The following SPRING1 variants were observed in gnomAD, a reference collection of about 807,000 sequenced individuals.
SPRING1 encodes SREBP regulating gene protein.
Under a neutral mutation model 24.7 loss-of-function variants are expected in SPRING1, and 14 were observed. That is an observed-to-expected ratio of 0.57 (90% confidence interval 0.37 to 0.88). The LOEUF is 0.88. SPRING1 is among the 40% of genes least tolerant of loss of function. SPRING1 has a pLI of 0.00. For synonymous variants in SPRING1, 93 were observed against 106.1 expected (o/e 0.88, Z 0.76); for missense variants, 255 against 268.4 (o/e 0.95, Z 0.35).
rs765142702 is a variant in SPRING1 at position 116,733,079 on chromosome 12, G to A, written c.111+4711C>T. ...ATCTGTAAGGTTATCTGAAAAAAGC[G>A]TTTTAAGTGTTACTGAAGGACACAG... On this transcript the variant is annotated intron_variant, in intron 1 of 4. Coordinates refer to ENST00000261318, the MANE Select transcript of SPRING1 (RefSeq NM_024738.4). Among the ~76,000 whole-genome samples the A allele has an allele frequency of 4.6e-5, 7 of 152,314 alleles. No homozygotes were observed. The East Asian group carries it at 5.8e-4, about 13-fold the overall frequency.
rs1869846185 is a variant in SPRING1 at position 116,711,006 on chromosome 12, T to TACACTCAC, written c.*6803_*6804insGTGAGTGT. On this transcript the variant is annotated 3_prime_UTR_variant, in exon 5 of 5. Transcript: ENST00000261318. ...CTCACATACTTCATACTGCTTTTGT[T>TACACTCAC]ACACACACACACACACACACACGCA... 6.9e-6 allele frequency: 1 copy of TACACTCAC among 145,960 alleles called. No homozygotes were observed. Among genetic ancestry groups the TACACTCAC allele is most frequent in the African/African-American group, 2.6e-5 (1 of 39,020 alleles). 9.0% of individuals were successfully genotyped at this position (145,960 alleles called of 1,614,324 possible).
chr12:116,727,789 A>G (rs1870772940), intron 1 of SPRING1, among the ~76,000 whole-genome samples: 1 of 152,228 alleles, frequency 6.6e-6, no homozygotes, highest in Non-Finnish European at 1.5e-5. Context: ...ATATGCCCAA[A>G]TATGAACAGT....
intron 2 of SPRING1, 131 bp downstream of exon 2, chr12:116,722,936 T>C (rs1012490757): frequency 3.3e-6 from 4 of 1,200,104 alleles, no homozygotes; most frequent in Non-Finnish European, 3.5e-6. Context: ...GACAAAAACC[T>C]GGGGAATGTT....
intron 2 of SPRING1, among the ~76,000 whole-genome samples, chr12:116,721,003 T>G (rs1870405863): frequency 6.6e-6 from 1 of 152,190 alleles, no homozygotes; most frequent in Admixed American, 6.5e-5. Context: ...TACGTGTACG[T>G]GCCACGGACT....
rs989999236 is a variant in SPRING1 at position 116,728,801 on chromosome 12, C to T, written c.112-5578G>A. 1.3e-5 allele frequency among the ~76,000 whole-genome samples: 2 copies of T among 152,320 alleles called. No individual in the cohort carries two copies. Among genetic ancestry groups the T allele is most frequent in the African/African-American group, 4.8e-5 (2 of 41,566 alleles). ...CCCACAGCTAGGGAGTGGAAGACCA[C>T]CCAAACTGAGGCCAGCTGAGCAGGG... On this transcript the variant is annotated intron_variant, in intron 1 of 4. Coordinates refer to ENST00000261318, the MANE Select transcript of SPRING1 (RefSeq NM_024738.4). This position sits in a 1 kb window ranked among gnomAD's most constrained non-coding sequence, Gnocchi z 4.2.
At chr12:116,730,328 C>T (rs945838353) in intron 1 of SPRING1, among the ~76,000 whole-genome samples, 2 of 152,038 alleles carry the variant, frequency 1.3e-5, no homozygotes, top group African/African-American at 2.4e-5. Flanking sequence ...CTCAGACTCC[C>T]GAGTAGCTGG....
At position 116,717,480 on chromosome 12, in the gene SPRING1, G is replaced by T. The variant is rs148829501; in HGVS notation, c.*330C>A. 1,062 of 219,022 alleles carry T rather than the reference G, an allele frequency of 4.8e-3. 6 individuals carry two copies. Among genetic ancestry groups the T allele is most frequent in the Middle Eastern group, 0.023 (15 of 658 alleles). The allele number at this position is 219,022 out of a possible 1,614,324, so 13.6% of individuals were successfully genotyped here. A position where few individuals can be genotyped will look rare whatever the true frequency, so the allele number is the denominator to read the frequency against. ...AAAACTGGAAGTGACACCGGCCCCC[G>T]ATGAACACAAGTCACAGGTCCCTGT... On this transcript the variant is annotated 3_prime_UTR_variant, in exon 5 of 5. Transcript: ENST00000261318. The surrounding 1 kb of genome is among the most constrained non-coding windows in gnomAD (Gnocchi z 4.2).
rs1005216394 is a variant in SPRING1 at position 116,737,979 on chromosome 12, G to T, written c.-79C>A. ...GTCCCGGGCGGCATGGCCCCTACGC[G>T]CCCGGCAGCCCCATCCCTCCAGGCA... On this transcript the variant is annotated 5_prime_UTR_variant, in exon 1 of 5. Transcript: ENST00000261318. 3.1e-5 allele frequency: 37 copies of T among 1,204,992 alleles called. 1 individual carries two copies. The South Asian group carries it at 1.2e-3, about 39-fold the overall frequency. 74.6% of individuals were successfully genotyped at this position (1,204,992 alleles called of 1,614,324 possible).
intron 1 of SPRING1, among the ~76,000 whole-genome samples, chr12:116,730,113 G>A (rs1476421020): frequency 6.6e-6 from 1 of 151,842 alleles, no homozygotes; most frequent in Non-Finnish European, 1.5e-5. Flanking sequence ...TGTTAGCCAG[G>A]ATGGTCTCAA....
chr12:116,726,994 T>C (rs531759549), intron 1 of SPRING1, among the ~76,000 whole-genome samples: 2 of 152,320 alleles, frequency 1.3e-5, no homozygotes, highest in South Asian at 2.1e-4. Context: ...AGTGAAAGCA[T>C]GTGGCAGAAA....
Position 116,714,313 on chromosome 12 carries a change from G to A in SPRING1, c.*3497C>T, listed in dbSNP as rs534138362. On this transcript the variant is annotated 3_prime_UTR_variant, in exon 5 of 5. Coordinates refer to ENST00000261318, the MANE Select transcript of SPRING1 (RefSeq NM_024738.4). ...TTTACAACTTATCTGCTGATCCCAA[G>A]GATGGGAAAAGCTGCACTCAGAAAC... 1 of 152,330 alleles carries A rather than the reference G, an allele frequency of 6.6e-6. No individual in the cohort carries two copies. Among genetic ancestry groups the A allele is most frequent in the African/African-American group, 2.4e-5 (1 of 41,578 alleles). The allele number at this position is 152,330 out of a possible 1,614,324, so 9.4% of individuals were successfully genotyped here.
chr12:116,737,973 C>T lies in SPRING1; in HGVS notation c.-73G>A, dbSNP rs1325068189. The stretch of plus-strand genomic sequence containing the variant: ...GCCCGGGTCCCGGGCGGCATGGCCC[C>T]TACGCGCCCGGCAGCCCCATCCCTC... On this transcript the variant is annotated 5_prime_UTR_variant, in exon 1 of 5. An upstream open reading frame in the 5' UTR loses its in-frame stop. Coordinates refer to ENST00000261318, the MANE Select transcript of SPRING1 (RefSeq NM_024738.4). 1 of 1,233,092 alleles carries T rather than the reference C, an allele frequency of 8.1e-7. No homozygotes were observed. The highest frequency in any genetic ancestry group is 1.0e-6 in the Non-Finnish European group (1 of 981,684). The allele number at this position is 1,233,092 out of a possible 1,614,324, so 76.4% of individuals were successfully genotyped here. A position where few individuals can be genotyped will look rare whatever the true frequency, so the allele number is the denominator to read the frequency against.
At chr12:116,731,599 A>C (rs531106853) in intron 1 of SPRING1, among the ~76,000 whole-genome samples, 5 of 152,170 alleles carry the variant, frequency 3.3e-5, no homozygotes, top group African/African-American at 1.2e-4. Context: ...TAAATTAATT[A>C]ATTAGCTGGG....
At chr12:116,722,390 A>G (rs1870477428) in intron 2 of SPRING1, among the ~76,000 whole-genome samples, 1 of 152,194 alleles carries the variant, frequency 6.6e-6, no homozygotes, top group Non-Finnish European at 1.5e-5. Context: ...TTAAAGTGAG[A>G]GTGTAAGATT....
rs1234008242 is a variant in SPRING1 at position 116,712,295 on chromosome 12, T to C, written c.*5515A>G. 1 of 152,196 alleles carries C rather than the reference T, an allele frequency of 6.6e-6. No homozygotes were observed. The highest frequency in any genetic ancestry group is 6.5e-5 in the Admixed American group (1 of 15,276). The allele number at this position is 152,196 out of a possible 1,614,324, so 9.4% of individuals were successfully genotyped here. Reference sequence around the variant, plus strand: ...AGTCGTACACAGGAAGATCACTGAGTAGGTTCTGTGGAGACGCAGTCGGCC... The same window carrying C: ...AGTCGTACACAGGAAGATCACTGAGCAGGTTCTGTGGAGACGCAGTCGGCC... On this transcript the variant is annotated 3_prime_UTR_variant, in exon 5 of 5. Coordinates refer to ENST00000261318, the MANE Select transcript of SPRING1 (RefSeq NM_024738.4).
At chr12:116,718,167 C>A (rs1290950412) in intron 4 of SPRING1, among the ~76,000 whole-genome samples, 3 of 152,200 alleles carry the variant, frequency 2.0e-5, no homozygotes, top group Non-Finnish European at 4.4e-5. Context: ...AATAACTTTG[C>A]TGTGACCTGG....
At chr12:116,722,916 G>T in intron 2 of SPRING1, 151 bp downstream of exon 2, 1 of 936,524 alleles carries the variant, frequency 1.1e-6, no homozygotes, top group Non-Finnish European at 1.6e-6. Context: ...ATGATGAGTA[G>T]GGTATAGAAG....
chr12:116,737,830 C>A lies in SPRING1; in HGVS notation c.71G>T (p.Gly24Val). ...RKRWVLALVF[G>V]LSLVYFLSST... ...GCTGAGGAAGTAGACGAGCGACAGC[C>A]CGAAGACCAGGGCGAGCACCCACCT... Residue 24 changes from glycine (G) to valine (V), a missense_variant, in exon 1 of 5, where the codon GGG (glycine) becomes GTG (valine). Transcript: ENST00000261318. 1 of 1,595,724 alleles carries A rather than the reference C, an allele frequency of 6.3e-7. No homozygotes were observed. Among genetic ancestry groups the A allele is most frequent in the Non-Finnish European group, 8.5e-7 (1 of 1,171,336 alleles).
chr12:116,735,594 T>C (rs1489612612), intron 1 of SPRING1, among the ~76,000 whole-genome samples: 1 of 151,752 alleles, frequency 6.6e-6, no homozygotes, highest in Non-Finnish European at 1.5e-5. Context: ...TAGTCGGGTG[T>C]GGTGGTGCAT....
Sources: gnomAD v4.1 joint callset for allele counts (sites outside exome capture counted in the v4.1 genomes callset) on GRCh38, gnomAD v4.1.1 for gene constraint, Gnocchi (gnomAD v3.1) non-coding constraint, MANE v1.5 for transcripts, NCBI Gene and HGNC (gene_info 2026-07-23, HGNC 2026-07-21) for gene names.